The following ATG13 variants were observed in gnomAD, a reference collection of about 807,000 sequenced individuals.
ATG13 encodes the protein autophagy related 13, also known as autophagy-related protein 13.
In ATG13, 23 loss-of-function variants were observed where a neutral mutation model predicts 65.5. That is an observed-to-expected ratio of 0.35 (90% CI 0.25 to 0.50). The LOEUF is 0.50. ATG13 is among the 20% of genes least tolerant of loss of function. The pLI is 0.98. For missense variants in ATG13, 566 were observed against 677.0 expected (o/e 0.84, Z 1.82); for synonymous variants, 252 against 245.2 (o/e 1.03, Z -0.26).
At chr11:46,626,972 C>T (rs1038052164) in intron 1 of ATG13, among the ~76,000 whole-genome samples, 4 of 152,080 alleles carry the variant, frequency 2.6e-5, no homozygotes, top group East Asian at 1.9e-4. Context: ...AGGTCGGGTG[C>T]GGTAATCCTG....
intron 13 of ATG13, 76 bp from the exon 14 acceptor site, chr11:46,665,307 C>T (rs912859797): frequency 8.1e-5 from 124 of 1,534,300 alleles, no homozygotes; most frequent in Non-Finnish European, 1.1e-4. Flanking sequence ...AAGCAGATAC[C>T]ATCATGCTAG....
rs1361564963 is a variant in ATG13, at chr11:46,622,119, ATATATATATT to A, written c.-70+4233_-70+4242del. Among the ~76,000 whole-genome samples, 4 of 97,846 alleles carry A rather than the reference ATATATATATT, an allele frequency of 4.1e-5. No individual in the cohort carries two copies. The East Asian group carries it at 1.0e-3, about 25-fold the overall frequency. 64.2% of individuals were successfully genotyped at this position (97,846 alleles called of 152,430 possible). A position where few individuals can be genotyped will look rare whatever the true frequency, so the allele number is the denominator to read the frequency against. On this transcript the variant is annotated intron_variant, in intron 1 of 18. Coordinates refer to ENST00000683050, the MANE Select transcript of ATG13 (RefSeq NM_001346311.2). The stretch of plus-strand genomic sequence containing the variant: ...TATATATATATATATATATATATAT[ATATATATATT>A]TATTTTAGAGATGGTATTTGCCCTG...
intron 1 of ATG13, among the ~76,000 whole-genome samples, chr11:46,621,814 C>A (rs1053053641): frequency 6.6e-6 from 1 of 152,016 alleles, no homozygotes; most frequent in Non-Finnish European, 1.5e-5. Context: ...TTCTTACTCT[C>A]ATGTGTTTGT....
At chr11:46,624,767 A>T (rs2048923147) in intron 1 of ATG13, among the ~76,000 whole-genome samples, 1 of 152,180 alleles carries the variant, frequency 6.6e-6, no homozygotes, top group African/African-American at 2.4e-5. Flanking sequence ...ATGATTGCTC[A>T]TGCTGTAATA....
chr11:46,637,689 G>T lies in ATG13; in HGVS notation c.-13-6590G>T, dbSNP rs1054784764. On this transcript the variant is annotated intron_variant, in intron 2 of 18. Coordinates refer to ENST00000683050, the MANE Select transcript of ATG13 (RefSeq NM_001346311.2). Reference sequence around the variant, plus strand: ...AAATAGCACCCAGATGAGAACAAGCGCAGGCTATTCAGAGCAAAAGAGTCA... The same window carrying T: ...AAATAGCACCCAGATGAGAACAAGCTCAGGCTATTCAGAGCAAAAGAGTCA... 2.6e-5 allele frequency among the ~76,000 whole-genome samples: 4 copies of T among 152,178 alleles called. No individual in the cohort carries two copies. In the East Asian group the frequency reaches 5.8e-4, roughly 22 times the overall value.
At chr11:46,659,640 A>C in intron 11 of ATG13, 155 bp downstream of exon 11, 1 of 578,140 alleles carries the variant, frequency 1.7e-6, no homozygotes, top group Non-Finnish European at 3.1e-6. Context: ...CTTCTTGTCC[A>C]GAAGATAGTA....
rs1276005817 is a variant in ATG13, at chr11:46,619,453, CG to C, written c.-70+1565del. The stretch of plus-strand genomic sequence containing the variant: ...AGGCTAGAGTGCGGTGGCGGGAACT[CG>C]GCCCACTGCAACCTCTGCCTCCCGG... On this transcript the variant is annotated intron_variant, in intron 1 of 18. Transcript: ENST00000683050. Among the ~76,000 whole-genome samples the C allele has an allele frequency of 7.5e-5, 10 of 132,904 alleles. No individual in the cohort carries two copies. In the East Asian group the frequency reaches 2.1e-3, roughly 28 times the overall value. 87.2% of individuals were successfully genotyped at this position (132,904 alleles called of 152,430 possible).
intron 10 of ATG13, among the ~76,000 whole-genome samples, chr11:46,659,055 G>C (rs966267966): frequency 6.6e-6 from 1 of 152,110 alleles, no homozygotes; most frequent in African/African-American, 2.4e-5. Flanking sequence ...GAGCATGGTG[G>C]TACATTCCTG....
intron 7 of ATG13, among the ~76,000 whole-genome samples, chr11:46,651,236 A>G (rs781737776): frequency 1.3e-5 from 2 of 152,230 alleles, no homozygotes; most frequent in Non-Finnish European, 2.9e-5. Flanking sequence ...AAAACTGCAA[A>G]CCAGAATCAG....
chr11:46,664,171 G>A, intron 12 of ATG13, 76 bp downstream of exon 12: 1 of 1,155,846 alleles, frequency 8.7e-7, no homozygotes, highest in South Asian at 1.4e-5. Flanking sequence ...AAATTATAAG[G>A]TACAGTTATT....
intron 1 of ATG13, among the ~76,000 whole-genome samples, chr11:46,620,175 C>T (rs2046997701): frequency 6.6e-6 from 1 of 151,470 alleles, no homozygotes; most frequent in African/African-American, 2.4e-5. Flanking sequence ...ACTGCAACAA[C>T]CTCCCCCTCC....
chr11:46,663,746 T>G (rs926755762), intron 11 of ATG13, among the ~76,000 whole-genome samples: 12 of 152,100 alleles, frequency 7.9e-5, no homozygotes, highest in Non-Finnish European at 1.6e-4. Context: ...TCAGCTTTGT[T>G]TTCTAACTGC....
chr11:46,645,272 C>G (rs1036012801), intron 3 of ATG13, 67 bp from the exon 4 acceptor site: 2 of 1,401,580 alleles, frequency 1.4e-6, no homozygotes, highest in African/African-American at 2.9e-5. Context: ...TAACCCTGAT[C>G]GGGAGCCAGA....
At chr11:46,660,438 CTT>C (rs2060928261) in intron 11 of ATG13, among the ~76,000 whole-genome samples, 1 of 128,766 alleles carries the variant, frequency 7.8e-6, no homozygotes, top group Non-Finnish European at 1.6e-5. Context: ...GAGACGGAGT[CTT>C]GCTCTGTCAC....
chr11:46,669,509 G>A lies in ATG13; in HGVS notation c.1552G>A (p.Ala518Thr), dbSNP rs753588288. Residue 518 changes from alanine (A) to threonine (T), a missense_variant, in exon 18 of 19, where the codon GCA (alanine) becomes ACA (threonine). Ala to Thr is a moderately conservative substitution (Grantham distance 58). Around this residue, in one of 2 missense-constraint regions of ATG13, gnomAD observed 387 missense variants for 409.8 expected, o/e 0.94. Transcript: ENST00000683050. ...QLSSLSIDIG[A>T]QSMAEDLDSL... ...GAGCAGCCTCTCCATAGATATTGGA[G>A]CACAGTCCATGGCTGAAGACTTGGT... 8 of 1,614,094 alleles carry A rather than the reference G, an allele frequency of 5.0e-6. No homozygotes were observed. In the South Asian group the frequency reaches 8.8e-5, roughly 18 times the overall value.
rs373804364 is a variant in ATG13 at position 46,620,256 on chromosome 11, G to A, written c.-70+2366G>A. ...TTACAGGCGCCCGCCACCACGCCTG[G>A]CTAAGTTTTTGTATTTTTAGTGGAG... On this transcript the variant is annotated intron_variant, in intron 1 of 18. Coordinates refer to ENST00000683050, the MANE Select transcript of ATG13 (RefSeq NM_001346311.2). Among the ~76,000 whole-genome samples, 15 of 150,850 alleles carry A rather than the reference G, an allele frequency of 9.9e-5. No homozygotes were observed. The East Asian group carries it at 3.2e-3, about 32-fold the overall frequency.
intron 2 of ATG13, among the ~76,000 whole-genome samples, chr11:46,634,933 C>T (rs2053426431): frequency 6.6e-6 from 1 of 151,358 alleles, no homozygotes; most frequent in Admixed American, 6.6e-5. Context: ...GAACTCCTGA[C>T]CTTGTGATCC....
chr11:46,621,808 T>C (rs2047592272), intron 1 of ATG13, among the ~76,000 whole-genome samples: 1 of 151,952 alleles, frequency 6.6e-6, no homozygotes, highest in Admixed American at 6.6e-5. Flanking sequence ...ACCCTATTCT[T>C]ACTCTCATGT....
At chr11:46,654,171 A>G (rs2059517579) in intron 7 of ATG13, among the ~76,000 whole-genome samples, 1 of 150,000 alleles carries the variant, frequency 6.7e-6, no homozygotes, top group Non-Finnish European at 1.5e-5. Context: ...GTTGGCTCAC[A>G]CCTGTAATCC....
Sources: allele counts gnomAD v4.1 joint callset (sites outside exome capture counted in the v4.1 genomes callset), GRCh38; gene constraint gnomAD v4.1.1; regional missense constraint gnomAD v4.1.1; transcripts MANE v1.5; gene names NCBI Gene and HGNC (gene_info 2026-07-23, HGNC 2026-07-21).